HPS5: variants seen among roughly 807,000 people sequenced by gnomAD.
The protein encoded by HPS5 is BLOC-2 complex member HPS5.
In HPS5, 83 loss-of-function variants were observed where a neutral mutation model predicts 128.0. The observed-to-expected ratio is 0.65, with a 90% CI of 0.54 to 0.78. The LOEUF is 0.78. Among genes scored for constraint, HPS5 ranks in the 30% least tolerant of loss-of-function variants. The pLI is 0.00. For synonymous variants in HPS5, 475 were observed against 470.2 expected (o/e 1.01, Z -0.13); for missense variants, 1,281 against 1,326.2 (o/e 0.97, Z 0.53).
Position 18,305,552 on chromosome 11 carries a change from C to T in HPS5, c.825-59G>A, listed in dbSNP as rs531188879. 2.7e-4 allele frequency: 365 copies of T among 1,344,128 alleles called. 5 individuals carry two copies. The South Asian group carries it at 4.2e-3, about 16-fold the overall frequency. 83.3% of individuals were successfully genotyped at this position (1,344,128 alleles called of 1,614,324 possible). Reference sequence around the variant, plus strand: ...CTGTTAAAAGTATAACATAAAATTACACTTTTCCCAATATAGGGAAATTTT... The same window carrying T: ...CTGTTAAAAGTATAACATAAAATTATACTTTTCCCAATATAGGGAAATTTT... On this transcript the variant is annotated intron_variant, in intron 7 of 22. Coordinates refer to ENST00000349215, the MANE Select transcript of HPS5 (RefSeq NM_181507.2).
intron 10 of HPS5, 105 bp from the exon 11 acceptor site, chr11:18,297,822 G>T (rs145953665): frequency 9.8e-5 from 108 of 1,105,432 alleles, no homozygotes; most frequent in Non-Finnish European, 7.2e-5. Flanking sequence ...GCTCACGCCT[G>T]TAATCCCAGC....
chr11:18,305,406 G>GA lies in HPS5; in HGVS notation c.896+15dup, dbSNP rs562060963. 140 of 1,543,072 alleles carry GA rather than the reference G, an allele frequency of 9.1e-5. No homozygotes were observed. The African/African-American group carries it at 1.6e-3, about 18-fold the overall frequency. On this transcript the variant is annotated intron_variant, in intron 8 of 22. Transcript: ENST00000349215. The stretch of plus-strand genomic sequence containing the variant: ...ATTCTTTTTCCCCCCCAGAACTAAG[G>GA]AAAGTAGAAACTTACCTAAGATGTA...
At chr11:18,301,042 A>G in intron 8 of HPS5, 126 bp from the exon 9 acceptor site, 2 of 698,044 alleles carry the variant, frequency 2.9e-6, no homozygotes, top group Non-Finnish European at 5.3e-6. Context: ...CACAAGAGTG[A>G]TCCAGCTAAT....
intron 6 of HPS5, 79 bp downstream of exon 6, chr11:18,308,867 G>A (rs1359052533): frequency 7.1e-7 from 1 of 1,405,248 alleles, no homozygotes; most frequent in East Asian, 2.3e-5. Flanking sequence ...TGATTGATGG[G>A]GCTTGGGGTA....
chr11:18,322,128 CT>C lies in HPS5; in HGVS notation c.-233del, dbSNP rs940498889. Reference sequence around the variant, plus strand: ...TGTCTCCCGGCTTAGCGCCGGGGAACTCACCGCGCACTAAGAGCGGAACGTG... The same window carrying C: ...TGTCTCCCGGCTTAGCGCCGGGGAACCACCGCGCACTAAGAGCGGAACGTG... On this transcript the variant is annotated 5_prime_UTR_variant, in exon 1 of 23. Coordinates refer to ENST00000349215, the MANE Select transcript of HPS5 (RefSeq NM_181507.2). 3 of 152,388 alleles carry C rather than the reference CT, an allele frequency of 2.0e-5. No individual in the cohort carries two copies. Among genetic ancestry groups the C allele is most frequent in the African/African-American group, 7.2e-5 (3 of 41,468 alleles). 9.4% of individuals were successfully genotyped at this position (152,388 alleles called of 1,614,324 possible).
intron 2 of HPS5, among the ~76,000 whole-genome samples, chr11:18,315,651 A>C (rs927518661): frequency 6.6e-6 from 1 of 152,062 alleles, no homozygotes; most frequent in Non-Finnish European, 1.5e-5. Flanking sequence ...AAAGAAAAAG[A>C]AAGCTTCCTT....
At chr11:18,299,904 A>G (rs1590097730) in intron 9 of HPS5, among the ~76,000 whole-genome samples, 4 of 152,364 alleles carry the variant, frequency 2.6e-5, no homozygotes, top group Admixed American at 2.6e-4. Context: ...TCTCATTTAT[A>G]TGCAGAAGCT....
At chr11:18,282,912 C>T (rs1252350460) in intron 21 of HPS5, among the ~76,000 whole-genome samples, 1 of 152,068 alleles carries the variant, frequency 6.6e-6, no homozygotes, top group African/African-American at 2.4e-5. Context: ...GGAGTAGGAG[C>T]CATCAGAAAT....
At chr11:18,283,734 A>G in intron 21 of HPS5, 61 bp downstream of exon 21, 6 of 1,169,290 alleles carry the variant, frequency 5.1e-6, no homozygotes, top group Non-Finnish European at 7.7e-6. Flanking sequence ...TTTTTTGTTG[A>G]GAGGTCTGGA....
intron 14 of HPS5, among the ~76,000 whole-genome samples, chr11:18,294,310 T>A (rs1860797764): frequency 6.6e-6 from 1 of 152,288 alleles, no homozygotes; most frequent in African/African-American, 2.4e-5. Flanking sequence ...ATTATACTCA[T>A]GTTACATGAG....
At chr11:18,306,396 C>CA in intron 6 of HPS5, 49 bp from the exon 7 acceptor site, 1 of 1,329,508 alleles carries the variant, frequency 7.5e-7, no homozygotes, top group South Asian at 1.2e-5. Context: ...AAAAAAAAGT[C>CA]AAAAACAACG....
intron 7 of HPS5, among the ~76,000 whole-genome samples, 197 bp downstream of exon 7, chr11:18,305,938 T>TA (rs1319479112): frequency 6.7e-6 from 1 of 149,768 alleles, no homozygotes; most frequent in African/African-American, 2.5e-5. Context: ...TTCACCGCGT[T>TA]AGTCAGGATG....
intron 15 of HPS5, among the ~76,000 whole-genome samples, 178 bp from the exon 16 acceptor site, chr11:18,292,197 T>C (rs1174724501): frequency 6.7e-6 from 1 of 149,346 alleles, no homozygotes; most frequent in Non-Finnish European, 1.5e-5. Flanking sequence ...ACATAAACTT[T>C]GTAGTGTTTT....
chr11:18,306,207 T>A lies in HPS5; in HGVS notation c.752A>T (p.Asp251Val). Reference protein sequence around the residue: ...PGSRMWEVNFDGEVISTHQFK... With the variant: ...PGSRMWEVNFVGEVISTHQFK... Reference sequence around the variant, plus strand: ...CTGATGTGTACTTATAACTTCTCCATCAAAGTTCACTTCCCACATCCTAGA... The same window carrying A: ...CTGATGTGTACTTATAACTTCTCCAACAAAGTTCACTTCCCACATCCTAGA... Residue 251 changes from aspartate to valine, a missense_variant, in exon 7 of 23, where the codon GAT becomes GTT. By Grantham distance (152) the Asp-to-Val change is radical (BLOSUM62 -3). Coordinates refer to ENST00000349215, the MANE Select transcript of HPS5 (RefSeq NM_181507.2). The A allele has an allele frequency of 1.2e-6, 2 of 1,614,068 alleles. No individual in the cohort carries two copies. Among genetic ancestry groups the A allele is most frequent in the Non-Finnish European group, 1.7e-6 (2 of 1,179,962 alleles).
chr11:18,307,165 T>C (rs1194507718), intron 6 of HPS5, among the ~76,000 whole-genome samples: 1 of 152,224 alleles, frequency 6.6e-6, no homozygotes, highest in Non-Finnish European at 1.5e-5. Flanking sequence ...TCCTCTTTGG[T>C]TGAATTCCCA....
Position 18,279,650 on chromosome 11 carries a change from C to A in HPS5, c.*232G>T, listed in dbSNP as rs2134185964. ...ACAAGGACTGACTCTTTTCAAAATT[C>A]AACTTTGGTTAAGAAATGCTGAGTA... On this transcript the variant is annotated 3_prime_UTR_variant, in exon 23 of 23. Transcript: ENST00000349215. 1.8e-6 allele frequency: 1 copy of A among 566,126 alleles called. No individual in the cohort carries two copies. Among genetic ancestry groups the A allele is most frequent in the Non-Finnish European group, 3.2e-6 (1 of 316,576 alleles). The allele number at this position is 566,126 out of a possible 1,614,324, so 35.1% of individuals were successfully genotyped here. A position where few individuals can be genotyped will look rare whatever the true frequency, so the allele number is the denominator to read the frequency against.
In HPS5 at chr11:18,291,930, A is replaced by T; in HGVS notation, c.1952T>A (p.Phe651Tyr). 1 of 1,609,138 alleles carries T rather than the reference A, an allele frequency of 6.2e-7. No homozygotes were observed. The highest frequency in any genetic ancestry group is 8.5e-7 in the Non-Finnish European group (1 of 1,178,734). The change falls in exon 16 of 23, where the codon TTT becomes TAT. Residue 651 changes from phenylalanine to tyrosine, a missense_variant. Coordinates refer to ENST00000349215, the MANE Select transcript of HPS5 (RefSeq NM_181507.2). ...QEWLSHLEKT[F>Y]AMKDFSGVSD... is the part of the protein sequence containing the mutation. ...AACACCTGAAAAGTCCTTCATGGCAAATGTTTTTTCTAAATGTGAAAGCCA... is the reference window on the plus strand; with the variant it reads ...AACACCTGAAAAGTCCTTCATGGCATATGTTTTTTCTAAATGTGAAAGCCA...
Position 18,285,365 on chromosome 11 carries a change from C to A in HPS5, c.2932G>T (p.Asp978Tyr). Residue 978 changes from aspartate to tyrosine, a missense_variant, in exon 20 of 23, where the codon GAC becomes TAC. Coordinates refer to ENST00000349215, the MANE Select transcript of HPS5 (RefSeq NM_181507.2). ...ADFITKEKMTDICRSCGFWPG... is the reference protein window; with the variant it reads ...ADFITKEKMTYICRSCGFWPG... ...ACTTACCCACAAGACCTGCAGATGT[C>A]TGTCATTTTCTCTTTGGTTATAAAA... is the stretch of plus-strand genomic sequence containing the variant. The A allele has an allele frequency of 6.2e-7, 1 of 1,610,340 alleles. No individual in the cohort carries two copies. The highest frequency in any genetic ancestry group is 8.5e-7 in the Non-Finnish European group (1 of 1,176,760).
intron 16 of HPS5, 116 bp from the exon 17 acceptor site, chr11:18,288,129 G>A: frequency 9.4e-7 from 1 of 1,059,140 alleles, no homozygotes; most frequent in South Asian, 1.3e-5. Context: ...GACCTATTAT[G>A]TGCAAGGCCC....
Sources: gnomAD v4.1 joint callset for allele counts (sites outside exome capture counted in the v4.1 genomes callset) on GRCh38, gnomAD v4.1.1 for gene constraint, MANE v1.5 for transcripts, NCBI Gene and HGNC (gene_info 2026-07-23, HGNC 2026-07-21) for gene names.